Variants in TMEM106A observed in about 807,000 individuals in gnomAD.
TMEM106A encodes transmembrane protein 106A.
Under a neutral mutation model 25.1 loss-of-function variants are expected in TMEM106A, and 22 were observed. The ratio of observed to expected loss-of-function variants is 0.88; its 90% CI spans 0.63 to 1.25. The LOEUF is 1.25. Ranked by LOEUF, TMEM106A falls within the 50% of genes most tolerant of loss-of-function variation. TMEM106A has a pLI of 0.00. For missense variants in TMEM106A, 275 were observed against 318.1 expected (o/e 0.86, Z 1.03); for synonymous variants, 104 against 129.9 (o/e 0.80, Z 1.35).
In TMEM106A at chr17:43,215,798, G is replaced by A. The variant is rs2057479210; in HGVS notation, c.286G>A (p.Val96Met). The A allele has an allele frequency of 6.2e-7, 1 of 1,613,770 alleles. No homozygotes were observed. Among genetic ancestry groups the A allele is most frequent in the Non-Finnish European group, 8.5e-7 (1 of 1,180,026 alleles). The change falls in exon 5 of 9, where the codon GTG becomes ATG. Residue 96 changes from valine to methionine, a missense_variant. Transcript: ENST00000612339. Reference protein sequence around the residue: ...RLKPKHTKLFVFLAVLICLVT... With the variant: ...RLKPKHTKLFMFLAVLICLVT... ...CCTGCTTTCCCACAGGAAGCTCTTTGTGTTCCTGGCCGTGCTCATCTGCCT... is the reference window on the plus strand; with the variant it reads ...CCTGCTTTCCCACAGGAAGCTCTTTATGTTCCTGGCCGTGCTCATCTGCCT...
rs1179442783 is a variant in TMEM106A at position 43,219,560 on chromosome 17, A to G, written c.*1759A>G. 3 of 151,374 alleles carry G rather than the reference A, an allele frequency of 2.0e-5. No homozygotes were observed. Among genetic ancestry groups the G allele is most frequent in the East Asian group, 3.9e-4 (2 of 5,162 alleles). The allele number at this position is 151,374 out of a possible 1,614,324, so 9.4% of individuals were successfully genotyped here. A position where few individuals can be genotyped will look rare whatever the true frequency, so the allele number is the denominator to read the frequency against. On this transcript the variant is annotated 3_prime_UTR_variant, in exon 9 of 9. Coordinates refer to ENST00000612339, the MANE Select transcript of TMEM106A (RefSeq NM_145041.4). ...TTTAACATGAGCAGCAACATTAGCA[A>G]GACCCCGTTTAAAAAAAAAAAAAGA...
rs1234666029 is a variant in TMEM106A at position 43,219,392 on chromosome 17, G to GTT, written c.*1593_*1594dup. The GTT allele has an allele frequency of 6.6e-6, 1 of 152,104 alleles. No individual in the cohort carries two copies. The highest frequency in any genetic ancestry group is 1.5e-5 in the Non-Finnish European group (1 of 68,058). The allele number at this position is 152,104 out of a possible 1,614,324, so 9.4% of individuals were successfully genotyped here. A position where few individuals can be genotyped will look rare whatever the true frequency, so the allele number is the denominator to read the frequency against. ...TTCCCACTGGCTCCTAGTAGAAATA[G>GTT]TTTCTGTACTTTAGCAGAACAGGAA... On this transcript the variant is annotated 3_prime_UTR_variant, in exon 9 of 9. Transcript: ENST00000612339.
chr17:43,217,432 G>C, intron 8 of TMEM106A, 120 bp downstream of exon 8: 1 of 1,362,360 alleles, frequency 7.3e-7, no homozygotes, highest in South Asian at 1.2e-5. Context: ...TTGGCTCTTG[G>C]GAATAGCAAG....
chr17:43,217,337 A>G (rs754394627), intron 8 of TMEM106A, 25 bp downstream of exon 8: 1 of 1,612,446 alleles, frequency 6.2e-7, no homozygotes, highest in South Asian at 1.1e-5. Context: ...GAGCTCTGGT[A>G]TCCCTGCTCT....
intron 4 of TMEM106A, among the ~76,000 whole-genome samples, chr17:43,214,531 G>T (rs182880759): frequency 5.9e-5 from 9 of 152,284 alleles, no homozygotes; most frequent in African/African-American, 2.2e-4. Context: ...AGAACCTCAG[G>T]CAGACCTGGG....
intron 4 of TMEM106A, among the ~76,000 whole-genome samples, chr17:43,215,220 G>A: frequency 6.6e-6 from 1 of 152,076 alleles, no homozygotes; most frequent in African/African-American, 2.4e-5. Context: ...TCCAGCTTGG[G>A]CGACACAGCA....
In TMEM106A at chr17:43,216,130, G is replaced by A. The variant is rs1296720175; in HGVS notation, c.429+189G>A. The A allele has an allele frequency of 4.0e-6, 3 of 756,970 alleles. No homozygotes were observed. In the East Asian group the frequency reaches 8.0e-5, roughly 20 times the overall value. The allele number at this position is 756,970 out of a possible 1,614,324, so 46.9% of individuals were successfully genotyped here. On this transcript the variant is annotated intron_variant, in intron 5 of 8. Coordinates refer to ENST00000612339, the MANE Select transcript of TMEM106A (RefSeq NM_145041.4). The stretch of plus-strand genomic sequence containing the variant: ...ATGGTAAGGATTGGGACTCTACACA[G>A]TAAGGGGTCAGAATCCGGGCCAGAT...
At chr17:43,213,770 C>T in intron 3 of TMEM106A, 58 bp from the exon 4 acceptor site, 4 of 1,561,576 alleles carry the variant, frequency 2.6e-6, no homozygotes, top group Admixed American at 1.7e-5. Context: ...GAAGCTGGCA[C>T]AGTAAATATT....
intron 4 of TMEM106A, among the ~76,000 whole-genome samples, chr17:43,215,470 A>G (rs993533955): frequency 1.3e-5 from 2 of 152,138 alleles, no homozygotes; most frequent in African/African-American, 4.8e-5. Context: ...TTCATATATT[A>G]GCCGATAACA....
rs775102706 is a variant in TMEM106A, at chr17:43,213,091, A to G, written c.50A>G (p.Lys17Arg). The G allele has an allele frequency of 1.9e-6, 3 of 1,614,232 alleles. No individual in the cohort carries two copies. Among genetic ancestry groups the G allele is most frequent in the African/African-American group, 1.3e-5 (1 of 75,070 alleles). ...QLGSWREDEN[K>R]SILSSKPAIG... Reference sequence around the variant, plus strand: ...GGCTCTTGGCGGGAGGATGAGAACAAGTCAATCCTGTCCTCCAAACCAGCC... The same window carrying G: ...GGCTCTTGGCGGGAGGATGAGAACAGGTCAATCCTGTCCTCCAAACCAGCC... The change falls in exon 3 of 9, where the codon AAG becomes AGG. Residue 17 changes from lysine to arginine, a missense_variant. Lys to Arg is a conservative substitution (Grantham distance 26). Transcript: ENST00000612339.
chr17:43,215,659 C>T (rs925745776), intron 4 of TMEM106A, 129 bp from the exon 5 acceptor site: 5 of 998,082 alleles, frequency 5.0e-6, no homozygotes, highest in Non-Finnish European at 7.6e-6. Context: ...ATCTGGGGAG[C>T]TAAATGTTGT....
chr17:43,215,767 C>T (rs2057478926), intron 4 of TMEM106A, 21 bp from the exon 5 acceptor site: 1 of 1,612,874 alleles, frequency 6.2e-7, no homozygotes. Context: ...TTCCTCCATC[C>T]TGGGTCCTGC....
rs950119408 is a variant in TMEM106A, at chr17:43,216,120, A to T, written c.429+179A>T. 13 of 794,894 alleles carry T rather than the reference A, an allele frequency of 1.6e-5. No individual in the cohort carries two copies. The African/African-American group carries it at 2.3e-4, about 14-fold the overall frequency. 49.2% of individuals were successfully genotyped at this position (794,894 alleles called of 1,614,324 possible). On this transcript the variant is annotated intron_variant, in intron 5 of 8. Transcript: ENST00000612339. ...TCCATGACAGATGGTAAGGATTGGG[A>T]CTCTACACAGTAAGGGGTCAGAATC...
At chr17:43,217,415 A>G in intron 8 of TMEM106A, 103 bp downstream of exon 8, 1 of 1,437,490 alleles carries the variant, frequency 7.0e-7, no homozygotes, top group South Asian at 1.2e-5. Flanking sequence ...GACCCCATGA[A>G]TCTTTGTTGG....
intron 3 of TMEM106A, 36 bp from the exon 4 acceptor site, chr17:43,213,792 C>T: frequency 6.2e-7 from 1 of 1,606,346 alleles, no homozygotes; most frequent in Non-Finnish European, 8.5e-7. Flanking sequence ...GTCACAGTTG[C>T]ATCTTGGCCC....
At position 43,217,679 on chromosome 17, in the gene TMEM106A, A is replaced by C; in HGVS notation, c.669-2A>C. The C allele has an allele frequency of 6.2e-7, 1 of 1,614,038 alleles. No individual in the cohort carries two copies. Among genetic ancestry groups the C allele is most frequent in the Non-Finnish European group, 8.5e-7 (1 of 1,179,944 alleles). On this transcript the variant is annotated splice_acceptor_variant, in intron 8 of 8. Transcript: ENST00000612339. LOFTEE classifies it high-confidence loss of function. ...TGGCAACAAGGCCTGCTTCCTCTCC[A>C]GGGGCACCCTGACCTGTTCATACCT...
At position 43,217,704 on chromosome 17, in the gene TMEM106A, T is replaced by C. The variant is rs1269050411; in HGVS notation, c.692T>C (p.Leu231Pro). Residue 231 changes from leucine (L) to proline (P), a missense_variant, in exon 9 of 9, where the codon CTG becomes CCG. Physicochemically the swap from Leu to Pro is moderately conservative, Grantham distance 98 (BLOSUM62 -3). Transcript: ENST00000612339. ...HIQGTLTCSY[L>P]SHSEQLVFQS... The stretch of plus-strand genomic sequence containing the variant: ...AGGGGCACCCTGACCTGTTCATACC[T>C]GAGCCATTCAGAGCAGCTGGTCTTT... The C allele has an allele frequency of 6.2e-7, 1 of 1,614,194 alleles. No individual in the cohort carries two copies. Among genetic ancestry groups the C allele is most frequent in the Admixed American group, 1.7e-5 (1 of 60,020 alleles).
At chr17:43,213,759 G>T in intron 3 of TMEM106A, 69 bp from the exon 4 acceptor site, 2 of 1,517,524 alleles carry the variant, frequency 1.3e-6, no homozygotes. Flanking sequence ...CGTGCTTCTG[G>T]GAAGCTGGCA....
At chr17:43,214,267 T>C (rs932271468) in intron 4 of TMEM106A, among the ~76,000 whole-genome samples, 1 of 150,808 alleles carries the variant, frequency 6.6e-6, no homozygotes, top group African/African-American at 2.4e-5. Context: ...ACAGCAGATG[T>C]CACTTGAGGC....
Sources: gnomAD v4.1 joint callset for allele counts (sites outside exome capture counted in the v4.1 genomes callset) on GRCh38, gnomAD v4.1.1 for gene constraint, MANE v1.5 for transcripts, NCBI Gene and HGNC (gene_info 2026-07-23, HGNC 2026-07-21) for gene names.